CMIP: variants seen among roughly 807,000 people sequenced by gnomAD.
The protein encoded by CMIP is c-Maf inducing protein.
Under a neutral mutation model 97.3 loss-of-function variants are expected in CMIP, and 13 were observed. The ratio of observed to expected loss-of-function variants is 0.13; its 90% CI spans 0.09 to 0.21. The LOEUF (loss-of-function observed/expected upper bound fraction) is 0.21, where lower values mean the gene tolerates loss of function less well. Among genes scored for constraint, CMIP ranks in the 10% least tolerant of loss-of-function variants. CMIP has a pLI of 1.00. For synonymous variants in CMIP, 538 were observed against 436.3 expected (o/e 1.23, Z -2.91); for missense variants, 847 against 1,024.9 (o/e 0.83, Z 2.37).
chr16:81,559,180 A>T (rs1355457768), intron 1 of CMIP, among the ~76,000 whole-genome samples: 1 of 152,236 alleles, frequency 6.6e-6, no homozygotes, highest in African/African-American at 2.4e-5. Flanking sequence ...TTTATTTAAA[A>T]GGGAACACCA....
At chr16:81,606,588 C>T (rs992824384) in intron 1 of CMIP, among the ~76,000 whole-genome samples, 3 of 152,150 alleles carry the variant, frequency 2.0e-5, no homozygotes, top group Non-Finnish European at 2.9e-5. Flanking sequence ...ATACTAATAG[C>T]GTTTCTCATT....
At chr16:81,599,244 G>C (rs1390960511) in intron 1 of CMIP, among the ~76,000 whole-genome samples, 2 of 152,022 alleles carry the variant, frequency 1.3e-5, no homozygotes, top group Non-Finnish European at 2.9e-5. Flanking sequence ...GGCAAGGAGA[G>C]GTCATATTAC....
At chr16:81,571,793 G>A (rs1313710826) in intron 1 of CMIP, among the ~76,000 whole-genome samples, 3 of 152,116 alleles carry the variant, frequency 2.0e-5, no homozygotes, top group Non-Finnish European at 4.4e-5. Context: ...TCGACCGTGC[G>A]CGGGAGCCCT....
chr16:81,470,912 G>A (rs1907487936), intron 1 of CMIP, among the ~76,000 whole-genome samples: 1 of 152,252 alleles, frequency 6.6e-6, no homozygotes, highest in South Asian at 2.1e-4. Context: ...GGAAAGAAAA[G>A]GGAGTGTTAT....
chr16:81,454,439 T>C (rs1013419401), intron 1 of CMIP, among the ~76,000 whole-genome samples: 5 of 152,212 alleles, frequency 3.3e-5, no homozygotes, highest in African/African-American at 1.2e-4. Context: ...TGCAGAAACA[T>C]CTTAGGTAGA....
intron 1 of CMIP, among the ~76,000 whole-genome samples, chr16:81,543,870 A>G (rs1205983284): frequency 6.6e-6 from 1 of 152,230 alleles, no homozygotes; most frequent in Non-Finnish European, 1.5e-5. Context: ...CTTCCATTTC[A>G]CCTTCTACTT....
At chr16:81,622,973 G>A (rs1312885488) in intron 3 of CMIP, among the ~76,000 whole-genome samples, 1 of 152,274 alleles carries the variant, frequency 6.6e-6, no homozygotes, top group Admixed American at 6.5e-5. Flanking sequence ...GGAGGCCAAA[G>A]CAGGCGGGTA....
At chr16:81,569,609 C>G (rs557526282) in intron 1 of CMIP, among the ~76,000 whole-genome samples, 1 of 152,198 alleles carries the variant, frequency 6.6e-6, no homozygotes, top group African/African-American at 2.4e-5. Flanking sequence ...TGACAGGTGC[C>G]GGGGAAGTCC....
intron 15 of CMIP, 111 bp from the exon 16 acceptor site, chr16:81,701,549 A>G (rs1907408584): frequency 6.8e-7 from 1 of 1,462,852 alleles, no homozygotes; most frequent in Admixed American, 1.7e-5. Flanking sequence ...GGGCTGCAGA[A>G]AGGGGATAGT....
At chr16:81,694,808 C>T (rs734119) in intron 13 of CMIP, among the ~76,000 whole-genome samples, 1 of 152,298 alleles carries the variant, frequency 6.6e-6, no homozygotes, top group South Asian at 2.1e-4. Context: ...CTTGAAGACT[C>T]TAGTTCCAAA....
chr16:81,664,312 T>A lies in CMIP; in HGVS notation c.788T>A (p.Phe263Tyr). 6.2e-7 allele frequency: 1 copy of A among 1,602,080 alleles called. No homozygotes were observed. Among genetic ancestry groups the A allele is most frequent in the Non-Finnish European group, 8.5e-7 (1 of 1,174,942 alleles). Residue 263 changes from phenylalanine to tyrosine, a missense_variant, in exon 7 of 21, where the codon TTC (phenylalanine) becomes TAC (tyrosine). This residue lies in a region of CMIP where 285 missense variants were observed against 392.2 expected (regional missense o/e 0.73). Transcript: ENST00000537098. ...RPRSMVVIEV[F>Y]TPVVQRILKH... ...CGGTCCATGGTGGTCATCGAGGTGT[T>A]CACCCCCGTGGTGCAGCGAATCCTC...
rs1455613408 is a variant in CMIP, at chr16:81,711,480, T to A, written c.*1681T>A. 1.3e-5 allele frequency: 2 copies of A among 152,134 alleles called. No individual in the cohort carries two copies. Among genetic ancestry groups the A allele is most frequent in the Non-Finnish European group, 2.9e-5 (2 of 68,014 alleles). The allele number at this position is 152,134 out of a possible 1,614,324, so 9.4% of individuals were successfully genotyped here. ...GTGTTCTGTTTTGTGTTTTGTTTTT[T>A]GTTGTTGTTTTTAGTTGTTTGGTTT... On this transcript the variant is annotated 3_prime_UTR_variant, in exon 21 of 21. Coordinates refer to ENST00000537098, the MANE Select transcript of CMIP (RefSeq NM_198390.3).
chr16:81,516,456 G>T (rs953005103), intron 1 of CMIP, among the ~76,000 whole-genome samples: 1 of 152,172 alleles, frequency 6.6e-6, no homozygotes, highest in Admixed American at 6.5e-5. Flanking sequence ...GATACGTGCC[G>T]TGTTCCAGGC....
chr16:81,683,682 C>G (rs1905094758), intron 10 of CMIP, among the ~76,000 whole-genome samples: 1 of 149,866 alleles, frequency 6.7e-6, no homozygotes, highest in East Asian at 2.0e-4. Flanking sequence ...TGTGCCCAGC[C>G]TGTTTTGTAA....
chr16:81,514,900 G>A (rs1375931496), intron 1 of CMIP, among the ~76,000 whole-genome samples: 3 of 152,186 alleles, frequency 2.0e-5, no homozygotes, highest in Admixed American at 2.0e-4. Flanking sequence ...ATCTTTCAGA[G>A]GAGCTACCAC....
chr16:81,588,766 C>A (rs2091422313), intron 1 of CMIP, among the ~76,000 whole-genome samples: 1 of 152,176 alleles, frequency 6.6e-6, no homozygotes, highest in Admixed American at 6.5e-5. Context: ...TGGGGCACAG[C>A]AGGCCCTCTG....
intron 14 of CMIP, chr16:81,697,917 C>T (rs898680799): frequency 2.6e-5 from 4 of 152,590 alleles, no homozygotes; most frequent in African/African-American, 9.6e-5. Context: ...GCCTGCACCA[C>T]CTCTCTCGCG....
rs769211802 is a variant in CMIP, at chr16:81,670,219, G to C, written c.903G>C (p.Met301Ile). The C allele has an allele frequency of 2.5e-6, 4 of 1,611,324 alleles. No homozygotes were observed. Among genetic ancestry groups the C allele is most frequent in the Non-Finnish European group, 3.4e-6 (4 of 1,178,878 alleles). ...ILALNELNAG[M>I]EVVKKFIQSM... Reference sequence around the variant, plus strand: ...CCTTGAACGAGCTCAACGCGGGGATGGAAGTGGTGAAGAAGTTCATTCAGA... The same window carrying C: ...CCTTGAACGAGCTCAACGCGGGGATCGAAGTGGTGAAGAAGTTCATTCAGA... Residue 301 changes from methionine (M) to isoleucine (I), a missense_variant, in exon 8 of 21, where the codon ATG becomes ATC. Coordinates refer to ENST00000537098, the MANE Select transcript of CMIP (RefSeq NM_198390.3).
At chr16:81,664,605 C>T (rs1243136219) in intron 7 of CMIP, 8 of 585,550 alleles carry the variant, frequency 1.4e-5, no homozygotes, top group Non-Finnish European at 9.1e-6. Flanking sequence ...AAGAGGAAAG[C>T]CTCCCGGGAA....
Sources: allele counts gnomAD v4.1 joint callset (sites outside exome capture counted in the v4.1 genomes callset), GRCh38; gene constraint gnomAD v4.1.1; regional missense constraint gnomAD v4.1.1; transcripts MANE v1.5; gene names NCBI Gene and HGNC (gene_info 2026-07-23, HGNC 2026-07-21).